PTK2B: variants seen among roughly 807,000 people sequenced by gnomAD.
The protein encoded by PTK2B is protein tyrosine kinase 2 beta, also known as protein-tyrosine kinase 2-beta.
PTK2B carries 71 observed loss-of-function variants against 142.9 expected under a neutral mutation model. The ratio of observed to expected loss-of-function variants is 0.50; its 90% CI spans 0.41 to 0.61. The LOEUF (loss-of-function observed/expected upper bound fraction) is 0.61, where lower values mean the gene tolerates loss of function less well. Among genes scored for constraint, PTK2B ranks in the 20% least tolerant of loss-of-function variants. The pLI, the probability that PTK2B is intolerant of heterozygous loss-of-function variation, is 0.00. For synonymous variants in PTK2B, 519 were observed against 503.4 expected, an observed-to-expected ratio of 1.03 and a Z score of -0.42; for missense variants, 1,105 against 1,320.4, an observed-to-expected ratio of 0.84 and a Z score of 2.53.
chr8:27,457,360 G>A (rs1453165993), intron 30 of PTK2B, among the ~76,000 whole-genome samples: 1 of 152,208 alleles, frequency 6.6e-6, no homozygotes, highest in Admixed American at 6.5e-5. Context: ...CTCATTGACA[G>A]TGCATCTACT....
At chr8:27,436,625 G>A (rs2132145692) in intron 15 of PTK2B, among the ~76,000 whole-genome samples, 1 of 152,282 alleles carries the variant, frequency 6.6e-6, no homozygotes, top group Admixed American at 6.5e-5. Flanking sequence ...AATACAAAGG[G>A]GGAGGCGGGA....
In PTK2B at chr8:27,346,605, A is replaced by G. The variant is rs138239101; in HGVS notation, c.-38+20924A>G. On this transcript the variant is annotated intron_variant, in intron 1 of 30. Coordinates refer to ENST00000346049, the MANE Select transcript of PTK2B (RefSeq NM_173176.3). ...GCTGCTGTGAGTGATGGAGGAAGTG[A>G]CGAGCAGTCTCCTTTCATCACAGAA... 5.5e-3 allele frequency among the ~76,000 whole-genome samples: 836 copies of G among 152,358 alleles called. 11 individuals are homozygous for G. The highest frequency in any genetic ancestry group is 0.019 in the African/African-American group (801 of 41,572).
intron 1 of PTK2B, among the ~76,000 whole-genome samples, chr8:27,390,052 G>A (rs1222181226): frequency 2.6e-5 from 4 of 152,240 alleles, no homozygotes; most frequent in African/African-American, 9.6e-5. Flanking sequence ...TGGAAATAAA[G>A]TGTGTGTCTC....
intron 5 of PTK2B, among the ~76,000 whole-genome samples, chr8:27,422,883 T>C (rs942774276): frequency 1.6e-4 from 25 of 152,124 alleles, no homozygotes; most frequent in African/African-American, 5.1e-4. Flanking sequence ...TTAATCATAA[T>C]ACGAGGCAGA....
chr8:27,432,837 CT>C (rs1179977776), intron 10 of PTK2B, among the ~76,000 whole-genome samples: 20 of 151,672 alleles, frequency 1.3e-4, no homozygotes, highest in Admixed American at 1.3e-3. Flanking sequence ...TTCTTTCTTT[CT>C]TTTTTTTAGA....
At chr8:27,437,932 C>G in intron 18 of PTK2B, 52 bp downstream of exon 18, 1 of 1,438,304 alleles carries the variant, frequency 7.0e-7, no homozygotes, top group Non-Finnish European at 9.6e-7. Context: ...TTCACCAGAT[C>G]CTCAAGGCCT....
rs756499830 is a variant in PTK2B at position 27,434,556 on chromosome 8, A to G, written c.1189A>G (p.Ile397Val). 3.7e-6 allele frequency: 6 copies of G among 1,602,686 alleles called. 1 individual carries two copies. Among genetic ancestry groups the G allele is most frequent in the African/African-American group, 1.3e-5 (1 of 74,538 alleles). Residue 397 changes from isoleucine (I) to valine (V), a missense_variant, in exon 13 of 31, where the codon ATA becomes GTA. Ile to Val is a conservative substitution (Grantham distance 29, BLOSUM62 3). Coordinates refer to ENST00000346049, the MANE Select transcript of PTK2B (RefSeq NM_173176.3). ...GTCCCACCTCTCAGAGAGCTGCAGCATAGGTGAGCTGCCCGCTGCATCCTC... is the reference window on the plus strand; with the variant it reads ...GTCCCACCTCTCAGAGAGCTGCAGCGTAGGTGAGCTGCCCGCTGCATCCTC... Reference protein sequence around the residue: ...RRSHLSESCSIESDIYAEIPD... With the variant: ...RRSHLSESCSVESDIYAEIPD...
In PTK2B at chr8:27,450,893, C is replaced by G. The variant is rs1586357948; in HGVS notation, c.2485C>G (p.Leu829Val). 3 of 1,614,202 alleles carry G rather than the reference C, an allele frequency of 1.9e-6. No homozygotes were observed. The highest frequency in any genetic ancestry group is 2.2e-5 in the East Asian group (1 of 44,884). ...GTGGCTCAGGCAGGAGGAGAAGTCC[C>G]TGGTGAGCACCCCAGGAAGGATGTC... The part of the protein sequence containing the change: ...YQWLRQEEKS[L>V]DPMVYMNDKS... Residue 829 changes from leucine (L) to valine (V), a missense_variant and splice_region_variant, in exon 25 of 31, where the codon CTG becomes GTG. Leu to Val is a conservative substitution (Grantham distance 32, BLOSUM62 1). Transcript: ENST00000346049.
intron 2 of PTK2B, among the ~76,000 whole-genome samples, chr8:27,407,299 C>A (rs564887973): frequency 6.6e-6 from 1 of 152,306 alleles, no homozygotes; most frequent in South Asian, 2.1e-4. Flanking sequence ...TAAAACCCTT[C>A]ATGATTCTCT....
At chr8:27,412,651 C>T (rs903598258) in intron 2 of PTK2B, among the ~76,000 whole-genome samples, 1 of 152,162 alleles carries the variant, frequency 6.6e-6, no homozygotes, top group Non-Finnish European at 1.5e-5. Context: ...CCAAGGTCTT[C>T]CTTACCTGAA....
At chr8:27,367,813 C>A (rs1336111514) in intron 1 of PTK2B, among the ~76,000 whole-genome samples, 1 of 152,178 alleles carries the variant, frequency 6.6e-6, no homozygotes, top group East Asian at 1.9e-4. Context: ...TCAGATCTCA[C>A]ATGAACTCAT....
At chr8:27,421,312 A>G (rs866563059) in intron 4 of PTK2B, among the ~76,000 whole-genome samples, 5 of 96,032 alleles carry the variant, frequency 5.2e-5, no homozygotes, top group African/African-American at 1.0e-4. Flanking sequence ...TTATTTATTT[A>G]TTTATTTATT....
intron 1 of PTK2B, among the ~76,000 whole-genome samples, chr8:27,395,517 C>A (rs1807992717): frequency 6.6e-6 from 1 of 152,172 alleles, no homozygotes; most frequent in Non-Finnish European, 1.5e-5. Flanking sequence ...CTGTTCCCTC[C>A]TGTGTCCCCT....
At chr8:27,386,112 T>A (rs1807336282) in intron 1 of PTK2B, among the ~76,000 whole-genome samples, 1 of 152,220 alleles carries the variant, frequency 6.6e-6, no homozygotes, top group Non-Finnish European at 1.5e-5. Context: ...TATGTAAATT[T>A]CATTCTCTGT....
chr8:27,392,981 T>C (rs1807816459), intron 1 of PTK2B, among the ~76,000 whole-genome samples: 1 of 152,244 alleles, frequency 6.6e-6, no homozygotes, highest in Non-Finnish European at 1.5e-5. Context: ...ACTGGGAATA[T>C]TCGATGCTAA....
intron 2 of PTK2B, among the ~76,000 whole-genome samples, chr8:27,412,211 A>G (rs887875315): frequency 4.6e-5 from 7 of 152,156 alleles, no homozygotes; most frequent in Non-Finnish European, 8.8e-5. Flanking sequence ...ATTGGACTCA[A>G]TCTCCAGCTC....
intron 1 of PTK2B, among the ~76,000 whole-genome samples, chr8:27,395,334 C>G (rs1177411769): frequency 6.6e-6 from 1 of 152,196 alleles, no homozygotes; most frequent in African/African-American, 2.4e-5. Flanking sequence ...CAGCTCCATT[C>G]CACTCTTTGG....
At chr8:27,316,263 G>C (rs1344439466) in intron 3 of PTK2B, among the ~76,000 whole-genome samples, 1 of 151,504 alleles carries the variant, frequency 6.6e-6, no homozygotes, top group Non-Finnish European at 1.5e-5. Flanking sequence ...TAAATTCCCA[G>C]GTGCAGAGAG....
chr8:27,454,017 G>A, intron 28 of PTK2B, 137 bp from the exon 29 acceptor site: 1 of 1,261,890 alleles, frequency 7.9e-7, no homozygotes, highest in Non-Finnish European at 1.1e-6. Context: ...CCCGGGACAG[G>A]GCACAATTAT....
Sources: gnomAD v4.1 joint callset for allele counts (sites outside exome capture counted in the v4.1 genomes callset) on GRCh38, gnomAD v4.1.1 for gene constraint, MANE v1.5 for transcripts, NCBI Gene and HGNC (gene_info 2026-07-23, HGNC 2026-07-21) for gene names.